PDGFC: variants seen among roughly 807,000 people sequenced by gnomAD.
PDGFC encodes the protein platelet derived growth factor C, also known as platelet-derived growth factor C.
Under a neutral mutation model 35.5 loss-of-function variants are expected in PDGFC, and 12 were observed. The ratio of observed to expected loss-of-function variants is 0.34; its 90% CI spans 0.22 to 0.55. PDGFC has a LOEUF of 0.55. Ranked by LOEUF, PDGFC falls within the 20% of genes least tolerant of loss-of-function variation. The pLI is 0.91. For missense variants in PDGFC, 322 were observed against 412.4 expected (o/e 0.78, Z 1.90); for synonymous variants, 159 against 148.8 (o/e 1.07, Z -0.50).
At chr4:156,963,044 C>T (rs953787244) in intron 1 of PDGFC, among the ~76,000 whole-genome samples, 20 of 152,168 alleles carry the variant, frequency 1.3e-4, no homozygotes, top group Admixed American at 1.1e-3. Flanking sequence ...CATTAAAATG[C>T]CTTGTTCTGT....
chr4:156,959,729 C>T (rs925725170), intron 1 of PDGFC, among the ~76,000 whole-genome samples: 2 of 151,964 alleles, frequency 1.3e-5, no homozygotes, highest in African/African-American at 4.8e-5. Flanking sequence ...AGAAGATTTG[C>T]ACCTCTGAGT....
intron 1 of PDGFC, among the ~76,000 whole-genome samples, chr4:156,970,376 T>G (rs1011504788): frequency 1.3e-5 from 2 of 152,206 alleles, no homozygotes; most frequent in African/African-American, 4.8e-5. Flanking sequence ...TTAATGCGGC[T>G]GATATATTTC....
chr4:156,810,765 G>A (rs1731910605), intron 3 of PDGFC, 72 bp downstream of exon 3: 2 of 961,938 alleles, frequency 2.1e-6, no homozygotes, highest in Non-Finnish European at 3.2e-6. Context: ...ATTCTCATGT[G>A]TAAGAGGAGA....
chr4:156,844,670 G>T (rs1026400395), intron 2 of PDGFC, among the ~76,000 whole-genome samples: 1 of 149,608 alleles, frequency 6.7e-6, no homozygotes, highest in Non-Finnish European at 1.5e-5. Flanking sequence ...AAAATTACTT[G>T]ATTTGCTACA....
At chr4:156,853,340 T>G (rs1729498291) in intron 1 of PDGFC, among the ~76,000 whole-genome samples, 1 of 152,264 alleles carries the variant, frequency 6.6e-6, no homozygotes, top group Non-Finnish European at 1.5e-5. Context: ...GTATATTAGT[T>G]AGACTATGAC....
intron 3 of PDGFC, among the ~76,000 whole-genome samples, chr4:156,784,852 T>C (rs1731079000): frequency 6.6e-6 from 1 of 152,174 alleles, no homozygotes; most frequent in Non-Finnish European, 1.5e-5. Flanking sequence ...TGTCCATTTT[T>C]TCAGATCCTG....
intron 1 of PDGFC, among the ~76,000 whole-genome samples, chr4:156,891,403 T>G (rs1730507130): frequency 6.6e-6 from 1 of 151,224 alleles, no homozygotes; most frequent in Non-Finnish European, 1.5e-5. Flanking sequence ...AATGTTGTTT[T>G]GCAGCATGTG....
intron 1 of PDGFC, among the ~76,000 whole-genome samples, chr4:156,923,654 C>T (rs187346898): frequency 5.3e-5 from 8 of 152,228 alleles, no homozygotes; most frequent in Admixed American, 4.6e-4. Context: ...GAGTGACCAA[C>T]ATTTGCTACT....
At chr4:156,916,168 A>T (rs1731152586) in intron 1 of PDGFC, among the ~76,000 whole-genome samples, 1 of 152,130 alleles carries the variant, frequency 6.6e-6, no homozygotes, top group African/African-American at 2.4e-5. Context: ...CTAAGATCTT[A>T]GGGGTTCTTA....
At chr4:156,921,310 C>A (rs1731275930) in intron 1 of PDGFC, among the ~76,000 whole-genome samples, 1 of 152,084 alleles carries the variant, frequency 6.6e-6, no homozygotes, top group Non-Finnish European at 1.5e-5. Flanking sequence ...AAGGTATCAT[C>A]ATGTATTCAG....
intron 1 of PDGFC, among the ~76,000 whole-genome samples, chr4:156,941,717 G>A (rs753824301): frequency 3.9e-5 from 6 of 151,956 alleles, no homozygotes; most frequent in Admixed American, 2.0e-4. Flanking sequence ...ATATGAATAC[G>A]TGAGACTTCA....
In PDGFC at chr4:156,763,019, G is replaced by T; in HGVS notation, c.*71C>A. 1 of 785,646 alleles carries T rather than the reference G, an allele frequency of 1.3e-6. No homozygotes were observed. The highest frequency in any genetic ancestry group is 2.3e-6 in the Non-Finnish European group (1 of 432,022). The allele number at this position is 785,646 out of a possible 1,614,324, so 48.7% of individuals were successfully genotyped here. On this transcript the variant is annotated 3_prime_UTR_variant, in exon 6 of 6. Transcript: ENST00000502773. ...AACTGAGATTAAGGATGGAGATAACGCATACGTTCTCTAATAGAATCAGCC... is the reference window on the plus strand; with the variant it reads ...AACTGAGATTAAGGATGGAGATAACTCATACGTTCTCTAATAGAATCAGCC...
intron 4 of PDGFC, among the ~76,000 whole-genome samples, chr4:156,770,941 T>C (rs112969588): frequency 0.068 from 10,385 of 152,220 alleles, 453 homozygotes; most frequent in Middle Eastern, 0.12. Context: ...TTTAAAAGTT[T>C]GACTCCTTAT....
At chr4:156,784,647 C>T (rs1271745686) in intron 3 of PDGFC, among the ~76,000 whole-genome samples, 1 of 151,962 alleles carries the variant, frequency 6.6e-6, no homozygotes, top group African/African-American at 2.4e-5. Flanking sequence ...ATAATAAGTA[C>T]AGAAATACGT....
At position 156,810,860 on chromosome 4, in the gene PDGFC, T is replaced by G. The variant is rs758535039; in HGVS notation, c.472A>C (p.Ile158Leu). ...ACTGGCATGACAATGTTGTAGTGGA[T>G]GCAGAACCCTGGTTCAGAAGGAAAA... is the stretch of plus-strand genomic sequence containing the variant. Reference protein sequence around the residue: ...EYFPSEPGFCIHYNIVMPQFT... With the variant: ...EYFPSEPGFCLHYNIVMPQFT... Residue 158 changes from isoleucine to leucine, a missense_variant, in exon 3 of 6, where the codon ATC becomes CTC. Physicochemically the swap from Ile to Leu is conservative, Grantham distance 5 (BLOSUM62 2). This residue lies in a region of PDGFC where 202 missense variants were observed against 295.9 expected (regional missense o/e 0.68). Transcript: ENST00000502773. The G allele has an allele frequency of 6.2e-7, 1 of 1,606,208 alleles. No individual in the cohort carries two copies. Among genetic ancestry groups the G allele is most frequent in the South Asian group, 1.1e-5 (1 of 90,700 alleles).
chr4:156,853,567 G>A (rs967151544), intron 1 of PDGFC, among the ~76,000 whole-genome samples: 5 of 151,992 alleles, frequency 3.3e-5, no homozygotes, highest in African/African-American at 7.2e-5. Flanking sequence ...AATAATTAAC[G>A]CCTTTTCTAC....
intron 4 of PDGFC, among the ~76,000 whole-genome samples, chr4:156,771,949 T>C (rs1193796410): frequency 2.0e-5 from 3 of 152,292 alleles, no homozygotes; most frequent in African/African-American, 7.2e-5. Flanking sequence ...CTAAAAAAAT[T>C]AGGTAATTTT....
intron 1 of PDGFC, among the ~76,000 whole-genome samples, chr4:156,969,766 T>C (rs1732549784): frequency 1.3e-5 from 2 of 152,178 alleles, no homozygotes; most frequent in Non-Finnish European, 2.9e-5. Flanking sequence ...AGTAAAAACA[T>C]GTATATTCCT....
intron 1 of PDGFC, among the ~76,000 whole-genome samples, chr4:156,960,799 C>T (rs1732324864): frequency 6.6e-6 from 1 of 151,988 alleles, no homozygotes; most frequent in South Asian, 2.1e-4. Flanking sequence ...TTTTATCCAT[C>T]CTTTTAATGG....
Sources: allele counts gnomAD v4.1 joint callset (sites outside exome capture counted in the v4.1 genomes callset), GRCh38; gene constraint gnomAD v4.1.1; regional missense constraint gnomAD v4.1.1; transcripts MANE v1.5; gene names NCBI Gene and HGNC (gene_info 2026-07-23, HGNC 2026-07-21).